Variants in INPP5F observed in about 807,000 individuals in gnomAD.
The protein encoded by INPP5F is inositol polyphosphate-5-phosphatase F, also known as phosphatidylinositide 4-phosphatase SAC2.
Under a neutral mutation model 137.2 loss-of-function variants are expected in INPP5F, and 97 were observed. That is an observed-to-expected ratio of 0.71 (90% CI 0.60 to 0.84). The LOEUF (loss-of-function observed/expected upper bound fraction) is 0.84. Among genes scored for constraint, INPP5F ranks in the 40% least tolerant of loss-of-function variants. The pLI, the probability that INPP5F is intolerant of heterozygous loss-of-function variation, is 0.00. For missense variants in INPP5F, 1,271 were observed against 1,371.9 expected (o/e 0.93, Z 1.16); for synonymous variants, 504 against 476.9 (o/e 1.06, Z -0.74).
At chr10:119,740,837 G>A (rs992434519) in intron 1 of INPP5F, among the ~76,000 whole-genome samples, 1 of 152,164 alleles carries the variant, frequency 6.6e-6, no homozygotes, top group Non-Finnish European at 1.5e-5. Context: ...CACTGTGCCC[G>A]GCCCCATACT....
At position 119,828,989 on chromosome 10, in the gene INPP5F, T is replaced by C. The variant is rs1851886089; in HGVS notation, c.*1209T>C. 1 of 152,676 alleles carries C rather than the reference T, an allele frequency of 6.5e-6. No homozygotes were observed. Among genetic ancestry groups the C allele is most frequent in the African/African-American group, 2.4e-5 (1 of 41,460 alleles). The allele number at this position is 152,676 out of a possible 1,614,324, so 9.5% of individuals were successfully genotyped here. A position where few individuals can be genotyped will look rare whatever the true frequency, so the allele number is the denominator to read the frequency against. ...AACAAGTATTGGTTCGTCTGGTGTC[T>C]TTAGAGCTTTACTCTGTTGAAGTGA... On this transcript the variant is annotated 3_prime_UTR_variant, in exon 20 of 20. Transcript: ENST00000650623.
chr10:119,754,643 A>G (rs1343047649), intron 2 of INPP5F, among the ~76,000 whole-genome samples: 1 of 152,116 alleles, frequency 6.6e-6, no homozygotes, highest in Non-Finnish European at 1.5e-5. Flanking sequence ...GGCTCTTAAG[A>G]AAAAGAGTCG....
At chr10:119,785,371 C>T (rs577076185) in intron 3 of INPP5F, among the ~76,000 whole-genome samples, 17 of 148,302 alleles carry the variant, frequency 1.1e-4, no homozygotes, top group East Asian at 4.0e-4. Flanking sequence ...CTGCAACCTC[C>T]GCCTCCCGGG....
intron 18 of INPP5F, 141 bp from the exon 19 acceptor site, chr10:119,823,674 C>T (rs1231713934): frequency 3.6e-6 from 2 of 561,112 alleles, no homozygotes; most frequent in Admixed American, 3.5e-5. Context: ...GAACAGGTGG[C>T]AGTTTTCTAT....
At chr10:119,765,757 G>A (rs1183716419) in intron 2 of INPP5F, among the ~76,000 whole-genome samples, 2 of 147,446 alleles carry the variant, frequency 1.4e-5, no homozygotes, top group East Asian at 1.9e-4. Context: ...GTGTGTGTGT[G>A]TGTGTGTGTG....
At chr10:119,792,351 A>C in intron 6 of INPP5F, 138 bp downstream of exon 6, 1 of 672,368 alleles carries the variant, frequency 1.5e-6, no homozygotes, top group Non-Finnish European at 2.5e-6. Context: ...GTTTTCCCCT[A>C]TGGAATGGGA....
Position 119,794,930 on chromosome 10 carries a change from C to T in INPP5F, c.670-1785C>T, listed in dbSNP as rs546483249. On this transcript the variant is annotated intron_variant, in intron 6 of 19. Coordinates refer to ENST00000650623, the MANE Select transcript of INPP5F (RefSeq NM_014937.4). ...CCCCCCACCTCCCTCCCGGATGGGG[C>T]GGCTGGCCGGGCAGAGGGGCTCCTC... 4.9e-5 allele frequency among the ~76,000 whole-genome samples: 6 copies of T among 121,326 alleles called. No individual in the cohort carries two copies. In the South Asian group the frequency reaches 1.5e-3, roughly 30 times the overall value. The allele number at this position is 121,326 out of a possible 152,430, so 79.6% of individuals were successfully genotyped here. A position where few individuals can be genotyped will look rare whatever the true frequency, so the allele number is the denominator to read the frequency against.
chr10:119,771,547 T>C lies in INPP5F; in HGVS notation c.179-10088T>C, dbSNP rs538319181. On this transcript the variant is annotated intron_variant, in intron 2 of 19. Coordinates refer to ENST00000650623, the MANE Select transcript of INPP5F (RefSeq NM_014937.4). The stretch of plus-strand genomic sequence containing the variant: ...ATCCAACCTAGCACCATCATTAGTT[T>C]ATTGTGAATCCTCTGAGAGTTTCTT... Among the ~76,000 whole-genome samples the C allele has an allele frequency of 2.1e-3, 315 of 152,196 alleles. 1 individual carries two copies. The highest frequency in any genetic ancestry group is 7.3e-3 in the African/African-American group (301 of 41,504).
intron 2 of INPP5F, among the ~76,000 whole-genome samples, chr10:119,755,748 G>A (rs1325564116): frequency 5.3e-5 from 8 of 152,272 alleles, no homozygotes; most frequent in East Asian, 1.9e-4. Context: ...CAATTGCCTC[G>A]AATCAGGTGA....
intron 1 of INPP5F, among the ~76,000 whole-genome samples, chr10:119,747,320 C>A (rs1848564530): frequency 6.6e-6 from 1 of 151,838 alleles, no homozygotes; most frequent in Non-Finnish European, 1.5e-5. Context: ...ACTCCTGGTT[C>A]AAGCAATTCT....
intron 14 of INPP5F, among the ~76,000 whole-genome samples, 184 bp downstream of exon 14, chr10:119,810,401 C>T (rs1850982304): frequency 6.6e-6 from 1 of 152,096 alleles, no homozygotes; most frequent in Admixed American, 6.5e-5. Flanking sequence ...ATATTTTTGG[C>T]TGGAGCAACA....
At chr10:119,761,463 G>A (rs567819641) in intron 2 of INPP5F, among the ~76,000 whole-genome samples, 29 of 152,308 alleles carry the variant, frequency 1.9e-4, no homozygotes, top group Admixed American at 2.0e-4. Flanking sequence ...CAGCACTGGC[G>A]TGGTGGTAGC....
intron 2 of INPP5F, among the ~76,000 whole-genome samples, chr10:119,755,657 C>T (rs1297322649): frequency 6.6e-6 from 1 of 152,146 alleles, no homozygotes; most frequent in Non-Finnish European, 1.5e-5. Flanking sequence ...TGCTTGTGCT[C>T]ATTTCAGTGT....
At chr10:119,799,688 T>TA (rs1850515628) in intron 9 of INPP5F, among the ~76,000 whole-genome samples, 1 of 152,200 alleles carries the variant, frequency 6.6e-6, no homozygotes, top group South Asian at 2.1e-4. Context: ...AAATTAAACA[T>TA]ACTTATACTG....
Position 119,787,757 on chromosome 10 carries a change from A to G in INPP5F, c.316-3760A>G, listed in dbSNP as rs1849975580. Reference sequence around the variant, plus strand: ...AAGCCAGAGGCCTTTCTGGGTCTGCATCTAGAAGCAGACAGTAGCAGGTGG... The same window carrying G: ...AAGCCAGAGGCCTTTCTGGGTCTGCGTCTAGAAGCAGACAGTAGCAGGTGG... On this transcript the variant is annotated intron_variant, in intron 3 of 19. Transcript: ENST00000650623. This position sits in a 1 kb window ranked among gnomAD's most constrained non-coding sequence, Gnocchi z 4.1. Among the ~76,000 whole-genome samples, 1 of 152,150 alleles carries G rather than the reference A, an allele frequency of 6.6e-6. No individual in the cohort carries two copies. Among genetic ancestry groups the G allele is most frequent in the African/African-American group, 2.4e-5 (1 of 41,432 alleles).
chr10:119,740,439 T>C (rs948860254), intron 1 of INPP5F, among the ~76,000 whole-genome samples: 4 of 152,390 alleles, frequency 2.6e-5, no homozygotes, highest in African/African-American at 9.6e-5. Context: ...CATTAAGATA[T>C]TTGCGTGAAG....
intron 1 of INPP5F, among the ~76,000 whole-genome samples, chr10:119,734,205 C>T (rs1848161217): frequency 6.6e-6 from 1 of 152,122 alleles, no homozygotes; most frequent in Non-Finnish European, 1.5e-5. Context: ...GGCCCTTGTG[C>T]AGAGAAGGTT....
At chr10:119,792,427 G>A (rs1850179536) in intron 6 of INPP5F, among the ~76,000 whole-genome samples, 1 of 152,152 alleles carries the variant, frequency 6.6e-6, no homozygotes, top group Admixed American at 6.5e-5. Context: ...CCTCGTCACA[G>A]GCCTGTCTTT....
At chr10:119,768,823 A>G (rs1849254471) in intron 2 of INPP5F, among the ~76,000 whole-genome samples, 1 of 152,246 alleles carries the variant, frequency 6.6e-6, no homozygotes, top group African/African-American at 2.4e-5. Flanking sequence ...ATGAATGTTT[A>G]TAGAGATAAA....
Sources: allele counts gnomAD v4.1 joint callset (sites outside exome capture counted in the v4.1 genomes callset), GRCh38; gene constraint gnomAD v4.1.1; non-coding constraint Gnocchi (gnomAD v3.1); transcripts MANE v1.5; gene names NCBI Gene and HGNC (gene_info 2026-07-23, HGNC 2026-07-21).